The following ST3GAL3 variants were observed in gnomAD, a reference collection of about 807,000 sequenced individuals.
ST3GAL3 encodes ST3 beta-galactoside alpha-2,3-sialyltransferase 3, also known as CMP-N-acetylneuraminate-beta-1,4-galactoside alpha-2,3-sialyltransferase.
Under a neutral mutation model 50.1 loss-of-function variants are expected in ST3GAL3, and 21 were observed. That is an observed-to-expected ratio of 0.42 (90% CI 0.30 to 0.60). The LOEUF is 0.60. ST3GAL3 is among the 20% of genes least tolerant of loss of function. The pLI, the probability that ST3GAL3 is intolerant of heterozygous loss-of-function variation, is 0.19. For synonymous variants in ST3GAL3, 183 were observed against 190.0 expected (o/e 0.96, Z 0.30); for missense variants, 353 against 489.4 (o/e 0.72, Z 2.63).
chr1:43,844,058 T>TTATTATAAAGGA (rs1281554208), intron 5 of ST3GAL3, among the ~76,000 whole-genome samples: 3 of 152,206 alleles, frequency 2.0e-5, no homozygotes, highest in Non-Finnish European at 4.4e-5. Flanking sequence ...GTTTATCCAT[T>TTATTATAAAGGA]TATTATAAAG....
intron 2 of ST3GAL3, among the ~76,000 whole-genome samples, chr1:43,758,173 CA>C (rs58382476): frequency 0.27 from 37,425 of 139,492 alleles, 5,640 homozygotes; most frequent in East Asian, 0.49. Flanking sequence ...CCCCCCCCCC[CA>C]AAAAAAAGGC....
At chr1:43,830,590 T>A (rs1285016462) in intron 4 of ST3GAL3, among the ~76,000 whole-genome samples, 1 of 152,212 alleles carries the variant, frequency 6.6e-6, no homozygotes, top group African/African-American at 2.4e-5. Flanking sequence ...GAAATCATGA[T>A]AGTGACCTCT....
chr1:43,783,384 C>T (rs1019913222), intron 2 of ST3GAL3, among the ~76,000 whole-genome samples: 2 of 152,162 alleles, frequency 1.3e-5, no homozygotes, highest in African/African-American at 4.8e-5. Flanking sequence ...GCCTTTACCC[C>T]CTTGTCCTCC....
Position 43,916,346 on chromosome 1 carries a change from G to A in ST3GAL3, c.745-4058G>A, listed in dbSNP as rs564165539. 8.5e-5 allele frequency among the ~76,000 whole-genome samples: 13 copies of A among 152,286 alleles called. No individual in the cohort carries two copies. The East Asian group carries it at 1.7e-3, about 20-fold the overall frequency. On this transcript the variant is annotated intron_variant, in intron 9 of 11. Coordinates refer to ENST00000347631, the MANE Select transcript of ST3GAL3 (RefSeq NM_006279.5). ...GGTGGCAGTAGGTTTGGGATCAAGG[G>A]ATGGATCTGTACCGTTCTAAGCAGA...
chr1:43,783,153 G>A (rs1699901926), intron 2 of ST3GAL3, among the ~76,000 whole-genome samples: 1 of 152,124 alleles, frequency 6.6e-6, no homozygotes, highest in African/African-American at 2.4e-5. Flanking sequence ...GTTACATAGT[G>A]GGAAAAACAG....
chr1:43,929,984 T>G (rs760572038), intron 11 of ST3GAL3, 148 bp from the exon 12 acceptor site: 1 of 775,292 alleles, frequency 1.3e-6, no homozygotes, highest in Admixed American at 1.7e-5. Flanking sequence ...ATCATTACCG[T>G]GTAGACACAA....
chr1:43,914,179 T>A (rs1225134855), intron 9 of ST3GAL3: 1 of 152,196 alleles, frequency 6.6e-6, no homozygotes, highest in African/African-American at 2.4e-5. Context: ...CCGGGACTTT[T>A]AGCATATGGA....
intron 1 of ST3GAL3, among the ~76,000 whole-genome samples, chr1:43,725,285 C>A (rs1672401476): frequency 6.6e-6 from 1 of 152,082 alleles, no homozygotes; most frequent in African/African-American, 2.4e-5. Context: ...CTTACTCCAA[C>A]CTCTGACTCC....
chr1:43,830,459 A>T (rs2063397338), intron 4 of ST3GAL3, among the ~76,000 whole-genome samples: 1 of 152,230 alleles, frequency 6.6e-6, no homozygotes, highest in South Asian at 2.1e-4. Flanking sequence ...GTATTGCTCC[A>T]GGAAGATACA....
At chr1:43,826,143 G>C (rs914913449) in intron 4 of ST3GAL3, among the ~76,000 whole-genome samples, 1 of 151,696 alleles carries the variant, frequency 6.6e-6, no homozygotes, top group South Asian at 2.1e-4. Context: ...TGGTAATCCC[G>C]TCTACTTAGT....
At chr1:43,866,844 A>G (rs994342386) in intron 5 of ST3GAL3, among the ~76,000 whole-genome samples, 27 of 152,080 alleles carry the variant, frequency 1.8e-4, no homozygotes, top group African/African-American at 1.7e-4. Context: ...AAGATATGGG[A>G]AATTAGGCCA....
chr1:43,774,890 A>G lies in ST3GAL3; in HGVS notation c.119-17212A>G, dbSNP rs190443409. On this transcript the variant is annotated intron_variant, in intron 2 of 11. Coordinates refer to ENST00000347631, the MANE Select transcript of ST3GAL3 (RefSeq NM_006279.5). Reference sequence around the variant, plus strand: ...CCTCAAGTTTTCAATCTAGACAGGGAAACCAACATTAAACACAGGTAAACC... The same window carrying G: ...CCTCAAGTTTTCAATCTAGACAGGGGAACCAACATTAAACACAGGTAAACC... Among the ~76,000 whole-genome samples, 4 of 152,318 alleles carry G rather than the reference A, an allele frequency of 2.6e-5. No homozygotes were observed. In the East Asian group the frequency reaches 7.7e-4, roughly 29 times the overall value.
At chr1:43,738,901 A>G (rs1417507687) in intron 2 of ST3GAL3, 1 of 152,178 alleles carries the variant, frequency 6.6e-6, no homozygotes, top group Non-Finnish European at 1.5e-5. Flanking sequence ...TGATGATGAT[A>G]AGATGAAATA....
At chr1:43,747,843 G>A (rs1440987064) in intron 2 of ST3GAL3, among the ~76,000 whole-genome samples, 4 of 149,090 alleles carry the variant, frequency 2.7e-5, no homozygotes, top group Non-Finnish European at 5.9e-5. Flanking sequence ...GGCCTCCCAA[G>A]GTGTTGGGAT....
chr1:43,888,381 A>G (rs1424150023), intron 5 of ST3GAL3, among the ~76,000 whole-genome samples: 2 of 152,314 alleles, frequency 1.3e-5, no homozygotes, highest in South Asian at 2.1e-4. Context: ...TGGGAGGCCA[A>G]AAGTGACCAT....
chr1:43,881,002 C>T (rs1175243153), intron 5 of ST3GAL3, among the ~76,000 whole-genome samples: 2 of 151,806 alleles, frequency 1.3e-5, no homozygotes, highest in Non-Finnish European at 2.9e-5. Context: ...AAGGCAGGGA[C>T]TCTGAGTTCT....
At chr1:43,909,781 T>A (rs182853004) in intron 9 of ST3GAL3, among the ~76,000 whole-genome samples, 61 of 152,300 alleles carry the variant, frequency 4.0e-4, no homozygotes, top group Non-Finnish European at 8.4e-4. Context: ...AGGGTTATTA[T>A]GAGAGTTAAC....
chr1:43,770,617 A>C (rs1169103454), intron 2 of ST3GAL3, among the ~76,000 whole-genome samples: 1 of 151,634 alleles, frequency 6.6e-6, no homozygotes, highest in Non-Finnish European at 1.5e-5. Flanking sequence ...TTAGTCTTGA[A>C]CTCCTGGGCT....
At chr1:43,903,209 C>T (rs2078589516) in intron 9 of ST3GAL3, among the ~76,000 whole-genome samples, 3 of 152,178 alleles carry the variant, frequency 2.0e-5, no homozygotes, top group African/African-American at 7.2e-5. Context: ...CTAATGCCTC[C>T]AATGCTGTGG....
Sources: gnomAD v4.1 joint callset for allele counts (sites outside exome capture counted in the v4.1 genomes callset) on GRCh38, gnomAD v4.1.1 for gene constraint, MANE v1.5 for transcripts, NCBI Gene and HGNC (gene_info 2026-07-23, HGNC 2026-07-21) for gene names.